The following RPAP2 variants were observed in gnomAD, a reference collection of about 807,000 sequenced individuals.
RPAP2 encodes RNA polymerase II associated protein 2.
In RPAP2, 52 loss-of-function variants were observed where a neutral mutation model predicts 73.1. That is an observed-to-expected ratio of 0.71 (90% CI 0.57 to 0.90). The LOEUF is 0.90. Among genes scored for constraint, RPAP2 ranks in the 40% least tolerant of loss-of-function variants. The probability of loss-of-function intolerance (pLI) is 0.00; values close to 1 mark genes in which losing one functional copy is unlikely to be tolerated. For synonymous variants in RPAP2, 225 were observed against 242.1 expected, an observed-to-expected ratio of 0.93 and a Z score of 0.65; for missense variants, 598 against 701.8, an observed-to-expected ratio of 0.85 and a Z score of 1.67.
rs185656038 is a variant in RPAP2, at chr1:92,312,894, T to G, written c.488+5618T>G. Among the ~76,000 whole-genome samples, 341 of 151,998 alleles carry G rather than the reference T, an allele frequency of 2.2e-3. 2 individuals are homozygous for G. Among genetic ancestry groups the G allele is most frequent in the Middle Eastern group, 6.8e-3 (2 of 292 alleles). ...TGGAGTGCAGTGGCGCGATCTTGGC[T>G]CACTACAACCTCTGCCTCCTCAGTT... On this transcript the variant is annotated intron_variant, in intron 6 of 12. Coordinates refer to ENST00000610020, the MANE Select transcript of RPAP2 (RefSeq NM_024813.3).
intron 11 of RPAP2, among the ~76,000 whole-genome samples, chr1:92,361,081 T>C (rs1297216897): frequency 7.2e-6 from 1 of 138,322 alleles, no homozygotes; most frequent in African/African-American, 2.7e-5. Flanking sequence ...AAAAAGCATA[T>C]ATATATATAT....
At position 92,395,325 on chromosome 1, in the gene RPAP2, G is replaced by A. The variant is rs1656157051; in HGVS notation, c.*8314G>A. The A allele has an allele frequency of 1.3e-5, 2 of 152,016 alleles. No homozygotes were observed. Among genetic ancestry groups the A allele is most frequent in the Non-Finnish European group, 2.9e-5 (2 of 67,994 alleles). The allele number at this position is 152,016 out of a possible 1,614,324, so 9.4% of individuals were successfully genotyped here. ...GGACTTCATTAAAATATAAAATTTT[G>A]TTTCAAAAAACTATTAAGAAAATTA... On this transcript the variant is annotated 3_prime_UTR_variant, in exon 13 of 13. Transcript: ENST00000610020.
chr1:92,311,632 C>T (rs1207403154), intron 6 of RPAP2, among the ~76,000 whole-genome samples: 4 of 152,126 alleles, frequency 2.6e-5, no homozygotes, highest in Non-Finnish European at 4.4e-5. Flanking sequence ...TGAATTTGAC[C>T]TAATTTGGTC....
In RPAP2 at chr1:92,304,065, A is replaced by G; in HGVS notation, c.323A>G (p.Lys108Arg). The G allele has an allele frequency of 6.2e-7, 1 of 1,606,974 alleles. No individual in the cohort carries two copies. Among genetic ancestry groups the G allele is most frequent in the Non-Finnish European group, 8.5e-7 (1 of 1,176,538 alleles). ...TGTGGTTATCCTTTATGTCAGAAGA[A>G]GCTGGGAATTGTAAGTAACTCATTT... ...KLCGYPLCQKKLGIVPKQKYK... is the reference protein window; with the variant it reads ...KLCGYPLCQKRLGIVPKQKYK... Residue 108 changes from lysine to arginine, a missense_variant, in exon 4 of 13, where the codon AAG (lysine) becomes AGG (arginine). Lys to Arg is a conservative substitution (Grantham distance 26). This residue lies in a region of RPAP2 where 506 missense variants were observed against 612.8 expected (regional missense o/e 0.83). Transcript: ENST00000610020.
intron 11 of RPAP2, among the ~76,000 whole-genome samples, chr1:92,348,956 C>T (rs1273555638): frequency 2.1e-5 from 3 of 140,670 alleles, no homozygotes; most frequent in African/African-American, 7.3e-5. Flanking sequence ...TTTAGAAACC[C>T]AGAGACATGC....
In RPAP2 at chr1:92,390,693, T is replaced by C. The variant is rs148867606; in HGVS notation, c.*3682T>C. The C allele has an allele frequency of 1.0e-3, 157 of 152,114 alleles. No individual in the cohort carries two copies. The highest frequency in any genetic ancestry group is 3.7e-3 in the African/African-American group (152 of 41,502). The allele number at this position is 152,114 out of a possible 1,614,324, so 9.4% of individuals were successfully genotyped here. Reference sequence around the variant, plus strand: ...CACATAGGCTCAGAATAAAAGGATGTAGGAAGATTTACCAAGCAAATGGAA... The same window carrying C: ...CACATAGGCTCAGAATAAAAGGATGCAGGAAGATTTACCAAGCAAATGGAA... On this transcript the variant is annotated 3_prime_UTR_variant, in exon 13 of 13. Transcript: ENST00000610020.
rs923567468 is a variant in RPAP2 at position 92,399,197 on chromosome 1, A to C, written c.*12186A>C. ...TGCTTCCCAGCACCTCTGCAGTCAT[A>C]ACCAAAGTGAAGGACAATATTGCAT... is the stretch of plus-strand genomic sequence containing the variant. On this transcript the variant is annotated 3_prime_UTR_variant, in exon 13 of 13. Coordinates refer to ENST00000610020, the MANE Select transcript of RPAP2 (RefSeq NM_024813.3). 1 of 152,250 alleles carries C rather than the reference A, an allele frequency of 6.6e-6. No homozygotes were observed. Among genetic ancestry groups the C allele is most frequent in the African/African-American group, 2.4e-5 (1 of 41,464 alleles). 9.4% of individuals were successfully genotyped at this position (152,250 alleles called of 1,614,324 possible). A position where few individuals can be genotyped will look rare whatever the true frequency, so the allele number is the denominator to read the frequency against.
intron 11 of RPAP2, among the ~76,000 whole-genome samples, chr1:92,372,843 AG>A (rs1158995020): frequency 3.3e-5 from 5 of 152,218 alleles, no homozygotes; most frequent in African/African-American, 1.2e-4. Flanking sequence ...TGAGCCCAGG[AG>A]TTCGAGGCTT....
chr1:92,315,199 T>G (rs1304955421), intron 6 of RPAP2, among the ~76,000 whole-genome samples: 1 of 152,128 alleles, frequency 6.6e-6, no homozygotes, highest in East Asian at 1.9e-4. Flanking sequence ...ATTTCAATAT[T>G]GTTGTGTCTC....
intron 8 of RPAP2, among the ~76,000 whole-genome samples, chr1:92,326,356 T>C (rs1258741057): frequency 6.6e-6 from 1 of 152,160 alleles, no homozygotes; most frequent in East Asian, 1.9e-4. Flanking sequence ...CCTGCTCTGG[T>C]GGAGATGGCA....
intron 11 of RPAP2, 110 bp from the exon 12 acceptor site, chr1:92,380,614 T>A (rs1247261777): frequency 1.2e-5 from 8 of 684,368 alleles, no homozygotes; most frequent in Non-Finnish European, 1.4e-5. Flanking sequence ...TTTAGTTAAA[T>A]CAAAGAGACT....
intron 8 of RPAP2, among the ~76,000 whole-genome samples, chr1:92,325,950 CTA>C (rs1179083439): frequency 6.6e-6 from 1 of 152,004 alleles, no homozygotes; most frequent in African/African-American, 2.4e-5. Context: ...GACATTTAGA[CTA>C]TTTCCAATTT....
intron 11 of RPAP2, among the ~76,000 whole-genome samples, chr1:92,370,352 T>C (rs907757180): frequency 1.3e-5 from 2 of 152,152 alleles, no homozygotes; most frequent in Non-Finnish European, 2.9e-5. Flanking sequence ...CCAATCCCAA[T>C]AGGGAGTAGT....
At chr1:92,329,238 C>A (rs1053589971) in intron 8 of RPAP2, among the ~76,000 whole-genome samples, 1 of 152,182 alleles carries the variant, frequency 6.6e-6, no homozygotes, top group African/African-American at 2.4e-5. Context: ...AGTCCTTTGT[C>A]TTCGGCTACC....
At chr1:92,350,714 C>T (rs765956592) in intron 11 of RPAP2, among the ~76,000 whole-genome samples, 89 of 152,210 alleles carry the variant, frequency 5.8e-4, no homozygotes, top group Admixed American at 1.1e-3. Context: ...CCGAGGCAGG[C>T]GGATCAGTTG....
intron 11 of RPAP2, among the ~76,000 whole-genome samples, chr1:92,375,758 G>A (rs1655359093): frequency 6.6e-6 from 1 of 152,126 alleles, no homozygotes; most frequent in Non-Finnish European, 1.5e-5. Context: ...TTGAACCCAA[G>A]AGGCGGAGGT....
chr1:92,344,255 A>C (rs548045760), intron 10 of RPAP2, among the ~76,000 whole-genome samples: 1 of 152,246 alleles, frequency 6.6e-6, no homozygotes, highest in East Asian at 1.9e-4. Context: ...ACAAAAATAC[A>C]AAAATTAGGC....
At chr1:92,310,245 A>G (rs1651513102) in intron 6 of RPAP2, among the ~76,000 whole-genome samples, 2 of 152,194 alleles carry the variant, frequency 1.3e-5, no homozygotes, top group African/African-American at 4.8e-5. Flanking sequence ...CCAAATTCTT[A>G]GGGGCAGGGA....
In RPAP2 at chr1:92,391,748, T is replaced by G. The variant is rs1364902873; in HGVS notation, c.*4737T>G. The G allele has an allele frequency of 6.6e-6, 1 of 152,150 alleles. No individual in the cohort carries two copies. The highest frequency in any genetic ancestry group is 1.5e-5 in the Non-Finnish European group (1 of 68,010). The allele number at this position is 152,150 out of a possible 1,614,324, so 9.4% of individuals were successfully genotyped here. Reference sequence around the variant, plus strand: ...TACAAACTACCATCAGCGAATACTATAAACACCTCTACACAAATAAACTAG... The same window carrying G: ...TACAAACTACCATCAGCGAATACTAGAAACACCTCTACACAAATAAACTAG... On this transcript the variant is annotated 3_prime_UTR_variant, in exon 13 of 13. Coordinates refer to ENST00000610020, the MANE Select transcript of RPAP2 (RefSeq NM_024813.3).
Sources: allele counts gnomAD v4.1 joint callset (sites outside exome capture counted in the v4.1 genomes callset), GRCh38; gene constraint gnomAD v4.1.1; regional missense constraint gnomAD v4.1.1; transcripts MANE v1.5; gene names NCBI Gene and HGNC (gene_info 2026-07-23, HGNC 2026-07-21).